Variants in LRPPRC observed in about 807,000 individuals in gnomAD.
LRPPRC encodes leucine-rich PPR motif-containing protein, mitochondrial.
In LRPPRC, 120 loss-of-function variants were observed where a neutral mutation model predicts 180.3. That is an observed-to-expected ratio of 0.67 (90% CI 0.57 to 0.77). The LOEUF is 0.77. Among genes scored for constraint, LRPPRC ranks in the 30% least tolerant of loss-of-function variants. The pLI is 0.00. For synonymous variants in LRPPRC, 723 were observed against 600.0 expected (o/e 1.21, Z -3.00); for missense variants, 2,012 against 1,657.2 (o/e 1.21, Z -3.72).
chr2:43,919,274 T>C (rs116107716), intron 27 of LRPPRC, among the ~76,000 whole-genome samples: 2,253 of 152,146 alleles, frequency 0.015, 61 homozygotes, highest in African/African-American at 0.051. Context: ...TGTGGAAAAA[T>C]TGTCTTCCAT....
At chr2:43,935,219 T>C (rs1308387102) in intron 23 of LRPPRC, among the ~76,000 whole-genome samples, 1 of 152,242 alleles carries the variant, frequency 6.6e-6, no homozygotes, top group Non-Finnish European at 1.5e-5. Context: ...GCTGTAAGAA[T>C]GTATTACTTC....
chr2:43,954,886 AAAAG>A (rs1161751632), intron 14 of LRPPRC, among the ~76,000 whole-genome samples: 2 of 152,164 alleles, frequency 1.3e-5, no homozygotes, highest in Admixed American at 6.5e-5. Context: ...TGTTAAGTGA[AAAAG>A]AAAGATGAGT....
At position 43,974,756 on chromosome 2, in the gene LRPPRC, A is replaced by G; in HGVS notation, c.867T>C (p.Thr289=). Reference sequence around the variant, plus strand: ...GCTCGGACTTCTCCACCTTCTCCAGAGTCTATAGAGAGTTCCAGAAATTAG... The same window carrying G: ...GCTCGGACTTCTCCACCTTCTCCAGGGTCTATAGAGAGTTCCAGAAATTAG... ...EKGDIDHVKQ[T]LEKVEKSELH... is the part of the protein sequence containing the mutation. Residue 289 remains threonine (T), a splice_region_variant and synonymous_variant, in exon 8 of 38, where the codon ACT becomes ACC. Coordinates refer to ENST00000260665, the MANE Select transcript of LRPPRC (RefSeq NM_133259.4). The G allele has an allele frequency of 6.2e-7, 1 of 1,613,424 alleles. No individual in the cohort carries two copies. The highest frequency in any genetic ancestry group is 8.5e-7 in the Non-Finnish European group (1 of 1,179,412).
intron 11 of LRPPRC, among the ~76,000 whole-genome samples, chr2:43,972,267 T>C (rs1362511104): frequency 6.6e-6 from 1 of 152,186 alleles, no homozygotes; most frequent in Non-Finnish European, 1.5e-5. Flanking sequence ...ACTTTTAAAA[T>C]CTAAATTCTG....
chr2:43,974,097 A>G, intron 9 of LRPPRC, 53 bp downstream of exon 9: 4 of 1,515,230 alleles, frequency 2.6e-6, no homozygotes, highest in South Asian at 1.1e-5. Flanking sequence ...ACTTTAAAGA[A>G]TCTTATTTCA....
intron 11 of LRPPRC, 37 bp downstream of exon 11, chr2:43,973,569 TG>T: frequency 7.6e-7 from 1 of 1,319,964 alleles, no homozygotes; most frequent in Non-Finnish European, 1.1e-6. Context: ...ATACTGGCTC[TG>T]GGAACCATTA....
intron 11 of LRPPRC, among the ~76,000 whole-genome samples, chr2:43,970,914 C>T (rs1673776185): frequency 6.6e-6 from 1 of 152,132 alleles, no homozygotes; most frequent in South Asian, 2.1e-4. Context: ...GCCTGGCCAA[C>T]ATGGTGAAAC....
At chr2:43,956,478 C>CGTGTGTGTGTGTGTGTGT (rs56919652) in intron 14 of LRPPRC, among the ~76,000 whole-genome samples, 2,220 of 142,508 alleles carry the variant, frequency 0.016, 61 homozygotes, top group East Asian at 0.11. Context: ...AAGAAAAAAA[C>CGTGTGTGTGTGTGTGTGT]GTGTGTGTGT....
Position 43,925,930 on chromosome 2 carries a change from A to T in LRPPRC, c.2768T>A (p.Leu923His). Residue 923 changes from leucine to histidine, a missense_variant, in exon 26 of 38, where the codon CTT becomes CAT. Coordinates refer to ENST00000260665, the MANE Select transcript of LRPPRC (RefSeq NM_133259.4). ...AACACATCTGTCACAAAACCACTGA[A>T]GCCTTGCAGATCGAGCTCTAATCCC... ...TPGIRARSAR[L>H]QWFCDRCVAN... 6.2e-7 allele frequency: 1 copy of T among 1,612,796 alleles called. No individual in the cohort carries two copies. Among genetic ancestry groups the T allele is most frequent in the Non-Finnish European group, 8.5e-7 (1 of 1,178,780 alleles).
chr2:43,949,536 TA>T, intron 16 of LRPPRC, 65 bp downstream of exon 16: 1 of 1,156,514 alleles, frequency 8.6e-7, no homozygotes, highest in Non-Finnish European at 1.3e-6. Flanking sequence ...GTAATCCTCC[TA>T]ACCCATCATT....
intron 29 of LRPPRC, among the ~76,000 whole-genome samples, chr2:43,914,682 T>G (rs1671378610): frequency 6.6e-6 from 1 of 151,684 alleles, no homozygotes; most frequent in Admixed American, 6.6e-5. Context: ...GAGCTAAGAT[T>G]TGCGCCACCG....
At chr2:43,987,289 A>G (rs957399071) in intron 1 of LRPPRC, among the ~76,000 whole-genome samples, 9 of 151,866 alleles carry the variant, frequency 5.9e-5, no homozygotes, top group Admixed American at 5.9e-4. Flanking sequence ...AGGTCAGGAG[A>G]TTGAGACCAT....
intron 13 of LRPPRC, chr2:43,959,300 T>C (rs1673243762): frequency 7.3e-6 from 5 of 688,370 alleles, no homozygotes; most frequent in South Asian, 1.6e-5. Flanking sequence ...TTGACTCAAA[T>C]AACTACAACA....
At chr2:43,890,662 G>A (rs1284164908) in intron 36 of LRPPRC, among the ~76,000 whole-genome samples, 1 of 152,184 alleles carries the variant, frequency 6.6e-6, no homozygotes. Flanking sequence ...GCAGTGAGCC[G>A]AGATGGTGCC....
At chr2:43,909,205 C>A (rs1353081912) in intron 30 of LRPPRC, among the ~76,000 whole-genome samples, 1 of 152,126 alleles carries the variant, frequency 6.6e-6, no homozygotes, top group Non-Finnish European at 1.5e-5. Context: ...ACAATTTAAC[C>A]CATGAAACAA....
chr2:43,946,046 G>A, intron 21 of LRPPRC, 67 bp downstream of exon 21: 1 of 1,484,468 alleles, frequency 6.7e-7, no homozygotes, highest in Non-Finnish European at 9.4e-7. Flanking sequence ...ATTCCATCTA[G>A]ATAATCTATC....
In LRPPRC at chr2:43,888,562, T is replaced by A. The variant is rs1331821796; in HGVS notation, c.*38A>T. 4.6e-6 allele frequency: 6 copies of A among 1,293,056 alleles called. No homozygotes were observed. Among genetic ancestry groups the A allele is most frequent in the Non-Finnish European group, 6.8e-6 (6 of 888,618 alleles). The allele number at this position is 1,293,056 out of a possible 1,614,324, so 80.1% of individuals were successfully genotyped here. On this transcript the variant is annotated 3_prime_UTR_variant, in exon 38 of 38. Coordinates refer to ENST00000260665, the MANE Select transcript of LRPPRC (RefSeq NM_133259.4). ...TTCAAAATAACATGTAGACACAGAA[T>A]CACAAATATATACAAAACAAAGTAT...
Position 43,960,573 on chromosome 2 carries a change from G to A in LRPPRC, c.1550C>T (p.Ala517Val). The A allele has an allele frequency of 1.2e-6, 2 of 1,602,808 alleles. No homozygotes were observed. Among genetic ancestry groups the A allele is most frequent in the Non-Finnish European group, 1.7e-6 (2 of 1,170,932 alleles). ...FSQAGLRSEA[A>V]NGNLDFVLSF... is the part of the protein sequence containing the mutation. The stretch of plus-strand genomic sequence containing the variant: ...TAATACAAAGTCTAAGTTCCCATTT[G>A]CTGCTTCACTTCTCAATCCAGCTTG... The change falls in exon 13 of 38, where the codon GCA (alanine) becomes GTA (valine). Residue 517 changes from alanine to valine, a missense_variant. By Grantham distance (64) the Ala-to-Val change is moderately conservative. Coordinates refer to ENST00000260665, the MANE Select transcript of LRPPRC (RefSeq NM_133259.4).
Position 43,901,501 on chromosome 2 carries a change from C to T in LRPPRC, c.3388G>A (p.Val1130Ile), listed in dbSNP as rs1670885096. ...GAAGGGGTCTGCTGCTGATCCAATA[C>T]TGTTTTCAGTGTTGTCACAGCCTCT... ...LKEAVTTLKT[V>I]LDQQQTPSRL... Residue 1130 changes from valine to isoleucine, a missense_variant, in exon 32 of 38, where the codon GTA becomes ATA. Transcript: ENST00000260665. The T allele has an allele frequency of 4.3e-6, 7 of 1,613,556 alleles. No homozygotes were observed. The highest frequency in any genetic ancestry group is 1.1e-5 in the South Asian group (1 of 91,078).
Sources: gnomAD v4.1 joint callset for allele counts (sites outside exome capture counted in the v4.1 genomes callset) on GRCh38, gnomAD v4.1.1 for gene constraint, MANE v1.5 for transcripts, NCBI Gene and HGNC (gene_info 2026-07-23, HGNC 2026-07-21) for gene names.